The following ASAP1 variants were observed in gnomAD, a reference collection of about 807,000 sequenced individuals.
ASAP1 encodes the protein ArfGAP with SH3 domain, ankyrin repeat and PH domain 1.
Under a neutral mutation model 145.2 loss-of-function variants are expected in ASAP1, and 43 were observed. That is an observed-to-expected ratio of 0.30 (90% CI 0.23 to 0.38). ASAP1 has a LOEUF of 0.38. Among genes scored for constraint, ASAP1 ranks in the 10% least tolerant of loss-of-function variants. The pLI, the probability that ASAP1 is intolerant of heterozygous loss-of-function variation, is 1.00. For synonymous variants in ASAP1, 546 were observed against 515.5 expected, an observed-to-expected ratio of 1.06 and a Z score of -0.80; for missense variants, 1,018 against 1,355.3, an observed-to-expected ratio of 0.75 and a Z score of 3.91.
At chr8:130,232,954 T>G (rs1274414380) in intron 4 of ASAP1, among the ~76,000 whole-genome samples, 1 of 152,198 alleles carries the variant, frequency 6.6e-6, no homozygotes, top group Admixed American at 6.5e-5. Context: ...GGGAACAGCT[T>G]GGATTCCACT....
intron 3 of ASAP1, among the ~76,000 whole-genome samples, chr8:130,288,242 A>G (rs1360776052): frequency 5.9e-5 from 9 of 151,854 alleles, no homozygotes. Flanking sequence ...CTTTTAATCT[A>G]TTTCTAACCT....
chr8:130,173,555 CAGG>C (rs1813735211), intron 9 of ASAP1, among the ~76,000 whole-genome samples: 2 of 152,078 alleles, frequency 1.3e-5, no homozygotes, highest in Admixed American at 6.5e-5. Flanking sequence ...TGCTTGAGCC[CAGG>C]AGTTTGAGAC....
At chr8:130,432,911 A>G (rs370945499) in intron 1 of ASAP1, among the ~76,000 whole-genome samples, 1 of 152,188 alleles carries the variant, frequency 6.6e-6, no homozygotes, top group Admixed American at 6.5e-5. Context: ...TCTGAAGATC[A>G]ATGTCCTGCC....
chr8:130,438,591 C>T (rs139605992), intron 1 of ASAP1, among the ~76,000 whole-genome samples: 52 of 152,260 alleles, frequency 3.4e-4, no homozygotes, highest in South Asian at 6.2e-4. Flanking sequence ...ACTTGGGGTA[C>T]GAGGCGGGGA....
At chr8:130,205,955 C>T (rs1339204355) in intron 5 of ASAP1, among the ~76,000 whole-genome samples, 1 of 151,966 alleles carries the variant, frequency 6.6e-6, no homozygotes, top group Non-Finnish European at 1.5e-5. Context: ...GTGTACAAAT[C>T]CATAAAATTG....
chr8:130,066,998 TTCCAAGCTGAC>T (rs2097432265), intron 27 of ASAP1, among the ~76,000 whole-genome samples: 1 of 152,212 alleles, frequency 6.6e-6, no homozygotes, highest in African/African-American at 2.4e-5. Flanking sequence ...CTCCTTATCT[TTCCAAGCTGAC>T]TCCCATCCTT....
At chr8:130,393,682 G>A (rs1828388673) in intron 2 of ASAP1, among the ~76,000 whole-genome samples, 4 of 152,310 alleles carry the variant, frequency 2.6e-5, no homozygotes, top group Admixed American at 2.6e-4. Context: ...CTTGAACCCA[G>A]GAGGCAGAGA....
At chr8:130,181,885 G>A (rs182390103) in intron 7 of ASAP1, among the ~76,000 whole-genome samples, 170 of 152,254 alleles carry the variant, frequency 1.1e-3, no homozygotes, top group Non-Finnish European at 1.9e-3. Context: ...TGATTTATCC[G>A]TCAAGTCTTC....
chr8:130,367,114 T>G (rs1826994958), intron 2 of ASAP1, among the ~76,000 whole-genome samples: 1 of 151,880 alleles, frequency 6.6e-6, no homozygotes, highest in South Asian at 2.1e-4. Flanking sequence ...ATGGTCTCGA[T>G]CTCTTGACCT....
chr8:130,358,163 A>G lies in ASAP1; in HGVS notation c.60-20T>C. The G allele has an allele frequency of 6.3e-7, 1 of 1,590,740 alleles. No individual in the cohort carries two copies. Among genetic ancestry groups the G allele is most frequent in the South Asian group, 1.1e-5 (1 of 89,918 alleles). On this transcript the variant is annotated intron_variant, in intron 2 of 29. Coordinates refer to ENST00000518721, the MANE Select transcript of ASAP1 (RefSeq NM_018482.4). This position sits in a 1 kb window ranked among gnomAD's most constrained non-coding sequence, Gnocchi z 4.1. ...GGCATCCTGCCGGGAGGGACGAGAC[A>G]CAAGCGGGGGCGGGGGGTGAGTCAC...
chr8:130,208,319 G>T (rs775066091), intron 5 of ASAP1, among the ~76,000 whole-genome samples: 1 of 152,080 alleles, frequency 6.6e-6, no homozygotes. Flanking sequence ...ATAGTTCTAT[G>T]GCATTCTGTC....
chr8:130,296,465 A>AG (rs1214784719), intron 3 of ASAP1, among the ~76,000 whole-genome samples: 2 of 151,330 alleles, frequency 1.3e-5, no homozygotes, highest in South Asian at 2.1e-4. Context: ...ATTGGTAAGC[A>AG]GGGGTCCCTG....
chr8:130,232,305 C>T (rs1299196903), intron 4 of ASAP1, among the ~76,000 whole-genome samples: 3 of 152,064 alleles, frequency 2.0e-5, no homozygotes, highest in Non-Finnish European at 4.4e-5. Flanking sequence ...TCCACAGTGC[C>T]CAAGAAACTA....
At chr8:130,323,303 A>T (rs1170534965) in intron 3 of ASAP1, among the ~76,000 whole-genome samples, 1 of 152,188 alleles carries the variant, frequency 6.6e-6, no homozygotes, top group Non-Finnish European at 1.5e-5. Context: ...AAGGAGGGAC[A>T]GAAACTCTTG....
intron 3 of ASAP1, among the ~76,000 whole-genome samples, chr8:130,279,343 G>C (rs1821117168): frequency 6.6e-6 from 1 of 152,058 alleles, no homozygotes; most frequent in African/African-American, 2.4e-5. Flanking sequence ...TTCTCTGCCA[G>C]ATCCATGGCT....
At chr8:130,230,932 AC>A (rs1053936836) in intron 4 of ASAP1, among the ~76,000 whole-genome samples, 17 of 152,190 alleles carry the variant, frequency 1.1e-4, no homozygotes, top group African/African-American at 4.1e-4. Context: ...CCATGGTAAG[AC>A]ACCGAACCTA....
intron 3 of ASAP1, among the ~76,000 whole-genome samples, chr8:130,259,064 G>GA (rs984270083): frequency 1.0e-3 from 154 of 148,914 alleles, no homozygotes; most frequent in African/African-American, 3.5e-3. Flanking sequence ...ACTCTTTAAA[G>GA]AAAAAAAAAA....
At chr8:130,115,481 C>A (rs1202466247) in intron 23 of ASAP1, 147 bp downstream of exon 23, 2 of 661,822 alleles carry the variant, frequency 3.0e-6, no homozygotes, top group Non-Finnish European at 2.7e-6. Context: ...TAAATGGTGC[C>A]CAATAAGGAC....
intron 4 of ASAP1, among the ~76,000 whole-genome samples, chr8:130,231,283 T>C (rs1261765685): frequency 6.6e-6 from 1 of 152,190 alleles, no homozygotes; most frequent in African/African-American, 2.4e-5. Flanking sequence ...TCAATGGCTG[T>C]CTTCCTTGTA....
Sources: gnomAD v4.1 joint callset for allele counts (sites outside exome capture counted in the v4.1 genomes callset) on GRCh38, gnomAD v4.1.1 for gene constraint, Gnocchi (gnomAD v3.1) non-coding constraint, MANE v1.5 for transcripts, NCBI Gene and HGNC (gene_info 2026-07-23, HGNC 2026-07-21) for gene names.